VIPAS39: variants seen among roughly 807,000 people sequenced by gnomAD.
VIPAS39 encodes VPS33B interacting protein, apical-basolateral polarity regulator, spe-39 homolog.
VIPAS39 carries 63 observed loss-of-function variants against 84.7 expected under a neutral mutation model. The ratio of observed to expected loss-of-function variants is 0.74; its 90% CI spans 0.61 to 0.92. The LOEUF is 0.92. VIPAS39 is among the 40% of genes least tolerant of loss of function. The probability of loss-of-function intolerance (pLI) is 0.00; values close to 1 mark genes in which losing one functional copy is unlikely to be tolerated. For missense variants in VIPAS39, 499 were observed against 604.5 expected (o/e 0.83, Z 1.83); for synonymous variants, 192 against 216.5 (o/e 0.89, Z 0.99).
chr14:77,457,460 AGATACGC>A, intron 1 of VIPAS39, 28 bp downstream of exon 1: 2 of 1,487,738 alleles, frequency 1.3e-6, no homozygotes. Flanking sequence ...GGATCCAGCC[AGATACGC>A]GACCCAAGGG....
intron 5 of VIPAS39, 85 bp downstream of exon 5, chr14:77,449,629 A>G: frequency 6.5e-7 from 1 of 1,542,488 alleles, no homozygotes; most frequent in African/African-American, 1.4e-5. Flanking sequence ...CTTGTCATCT[A>G]ATTACTACCT....
rs1566743340 is a variant in VIPAS39 at position 77,457,406 on chromosome 14, G to A, written c.-1+89C>T. 6 of 1,535,378 alleles carry A rather than the reference G, an allele frequency of 3.9e-6. No homozygotes were observed. In the East Asian group the frequency reaches 1.5e-4, roughly 38 times the overall value. On this transcript the variant is annotated intron_variant, in intron 1 of 19. Transcript: ENST00000557658. ...CAGGCCTGTAGTCATAGGGTGTAGG[G>A]ATGCCTCCTAGAAGAGGGGAAAAGA...
intron 8 of VIPAS39, among the ~76,000 whole-genome samples, chr14:77,443,833 A>G (rs1394292718): frequency 6.7e-6 from 1 of 149,202 alleles, no homozygotes; most frequent in Non-Finnish European, 1.5e-5. Context: ...AGATTGTCCT[A>G]CTGCACACTA....
rs750070273 is a variant in VIPAS39, at chr14:77,457,427, A to C, written c.-1+68T>G. The C allele has an allele frequency of 2.0e-6, 3 of 1,531,952 alleles. No homozygotes were observed. The South Asian group carries it at 3.6e-5, about 18-fold the overall frequency. The allele number at this position is 1,531,952 out of a possible 1,614,324, so 94.9% of individuals were successfully genotyped here. A position where few individuals can be genotyped will look rare whatever the true frequency, so the allele number is the denominator to read the frequency against. On this transcript the variant is annotated intron_variant, in intron 1 of 19. Transcript: ENST00000557658. Reference sequence around the variant, plus strand: ...TAGGGATGCCTCCTAGAAGAGGGGAAAAGATCAAGATGCGGAGAGGCTGGA... The same window carrying C: ...TAGGGATGCCTCCTAGAAGAGGGGACAAGATCAAGATGCGGAGAGGCTGGA...
intron 11 of VIPAS39, among the ~76,000 whole-genome samples, chr14:77,439,218 C>T (rs8007503): frequency 0.3 from 46,183 of 151,806 alleles, 7,546 homozygotes; most frequent in African/African-American, 0.41. Flanking sequence ...ATCTTCAATT[C>T]GAACATAATG....
At chr14:77,457,121 T>A in intron 1 of VIPAS39, 1 of 1,415,072 alleles carries the variant, frequency 7.1e-7, no homozygotes. Context: ...GTTTCAATTA[T>A]CTTCCGAGCC....
intron 18 of VIPAS39, 53 bp from the exon 19 acceptor site, chr14:77,428,527 C>A: frequency 1.3e-6 from 2 of 1,555,562 alleles, no homozygotes; most frequent in Non-Finnish European, 1.8e-6. Flanking sequence ...GTACAGGGTT[C>A]TTTTTGCCCA....
At chr14:77,457,456 A>G in intron 1 of VIPAS39, 39 bp downstream of exon 1, 1 of 1,498,662 alleles carries the variant, frequency 6.7e-7, no homozygotes, top group East Asian at 2.5e-5. Flanking sequence ...GGCTGGATCC[A>G]GCCAGATACG....
intron 7 of VIPAS39, among the ~76,000 whole-genome samples, chr14:77,446,757 A>T (rs944595636): frequency 6.6e-6 from 1 of 152,098 alleles, no homozygotes; most frequent in African/African-American, 2.4e-5. Context: ...TAATCCAATG[A>T]ACTAGAATAA....
chr14:77,435,784 A>G lies in VIPAS39; in HGVS notation c.912+60T>C, dbSNP rs371235001. ...CGTGCAGAGCATAGAAATCTCCTAGATGCTGAACGGCACTGAGCCTTGGCA... is the reference window on the plus strand; with the variant it reads ...CGTGCAGAGCATAGAAATCTCCTAGGTGCTGAACGGCACTGAGCCTTGGCA... On this transcript the variant is annotated intron_variant, in intron 13 of 19. Transcript: ENST00000557658. 2,392 of 1,566,446 alleles carry G rather than the reference A, an allele frequency of 1.5e-3. 6 individuals carry two copies. The highest frequency in any genetic ancestry group is 4.9e-3 in the South Asian group (439 of 90,018).
chr14:77,448,649 G>T, intron 6 of VIPAS39, 99 bp from the exon 7 acceptor site: 1 of 1,277,110 alleles, frequency 7.8e-7, no homozygotes. Context: ...GTCTAAGGGG[G>T]AAATAATTTG....
intron 16 of VIPAS39, among the ~76,000 whole-genome samples, chr14:77,431,253 T>G (rs778363174): frequency 4.6e-5 from 7 of 152,222 alleles, no homozygotes; most frequent in Non-Finnish European, 8.8e-5. Flanking sequence ...GCCTATGGAT[T>G]AGAATATTTG....
chr14:77,453,220 G>C, intron 3 of VIPAS39, 79 bp downstream of exon 3: 1 of 1,409,062 alleles, frequency 7.1e-7, no homozygotes, highest in South Asian at 1.2e-5. Context: ...AACTAGCATT[G>C]AAGAAACAAA....
intron 10 of VIPAS39, among the ~76,000 whole-genome samples, 200 bp downstream of exon 10, chr14:77,442,360 C>T (rs758676826): frequency 5.3e-5 from 8 of 152,188 alleles, no homozygotes; most frequent in Non-Finnish European, 1.0e-4. Flanking sequence ...GTGCATGTGA[C>T]TCCAAAGCCT....
chr14:77,441,919 T>A (rs1275949079), intron 10 of VIPAS39, among the ~76,000 whole-genome samples: 1 of 152,148 alleles, frequency 6.6e-6, no homozygotes, highest in Non-Finnish European at 1.5e-5. Flanking sequence ...AAGAAAAACA[T>A]GATAGAAGAC....
chr14:77,455,982 G>A (rs77306074), intron 1 of VIPAS39, among the ~76,000 whole-genome samples: 1 of 152,184 alleles, frequency 6.6e-6, no homozygotes, highest in African/African-American at 2.4e-5. Context: ...TCAAATCCTG[G>A]TTTCTCTTAA....
intron 7 of VIPAS39, among the ~76,000 whole-genome samples, chr14:77,445,436 T>C (rs562848553): frequency 6.6e-6 from 1 of 152,092 alleles, no homozygotes; most frequent in South Asian, 2.1e-4. Context: ...GTTGTTGTTT[T>C]ATCTGAGACA....
intron 7 of VIPAS39, among the ~76,000 whole-genome samples, chr14:77,446,764 A>T (rs2078797196): frequency 6.6e-6 from 1 of 152,118 alleles, no homozygotes; most frequent in Non-Finnish European, 1.5e-5. Flanking sequence ...ATGAACTAGA[A>T]TAAAGAGTCC....
At chr14:77,457,059 T>A in intron 1 of VIPAS39, 1 of 1,373,144 alleles carries the variant, frequency 7.3e-7, no homozygotes, top group Admixed American at 3.2e-5. Flanking sequence ...AACCACAACA[T>A]GCTCCCTGCC....
Sources: gnomAD v4.1 joint callset for allele counts (sites outside exome capture counted in the v4.1 genomes callset) on GRCh38, gnomAD v4.1.1 for gene constraint, MANE v1.5 for transcripts, NCBI Gene and HGNC (gene_info 2026-07-23, HGNC 2026-07-21) for gene names.